Variants in PDCD4 observed in about 807,000 individuals in gnomAD.
PDCD4 encodes programmed cell death protein 4.
Under a neutral mutation model 54.0 loss-of-function variants are expected in PDCD4, and 56 were observed. The ratio of observed to expected loss-of-function variants is 1.04; its 90% CI spans 0.84 to 1.30. The LOEUF is 1.30. Ranked by LOEUF, PDCD4 falls within the 50% of genes most tolerant of loss-of-function variation. PDCD4 has a pLI of 0.00. For synonymous variants in PDCD4, 186 were observed against 194.8 expected (o/e 0.95, Z 0.37); for missense variants, 584 against 559.8 (o/e 1.04, Z -0.44).
At chr10:110,886,318 A>G (rs1455529455) in intron 5 of PDCD4, among the ~76,000 whole-genome samples, 1 of 152,204 alleles carries the variant, frequency 6.6e-6, no homozygotes, top group Non-Finnish European at 1.5e-5. Flanking sequence ...TTTGGAAAGC[A>G]TAAAATAGAG....
In PDCD4 at chr10:110,896,074, C is replaced by T. The variant is rs1465379744; in HGVS notation, c.1336C>T (p.Leu446Phe). Residue 446 changes from leucine (L) to phenylalanine (F), a missense_variant, in exon 11 of 12, where the codon CTT becomes TTT. Physicochemically the swap from Leu to Phe is conservative, Grantham distance 22. Coordinates refer to ENST00000280154, the MANE Select transcript of PDCD4 (RefSeq NM_014456.5). ...AATAATTTCCAAACAACTCAGAGAT[C>T]TTTGTCCTTCAAGGTACTTTATTTA... ...AGIISKQLRD[L>F]CPSRGRKRFV... is the part of the protein sequence containing the mutation. The T allele has an allele frequency of 1.9e-6, 3 of 1,606,716 alleles. No homozygotes were observed. In the Admixed American group the frequency reaches 5.1e-5, roughly 27 times the overall value.
chr10:110,876,148 G>C, intron 2 of PDCD4, 78 bp downstream of exon 2: 14 of 1,191,030 alleles, frequency 1.2e-5, no homozygotes, highest in Non-Finnish European at 1.6e-5. Context: ...CTGGAGTGCA[G>C]TGGTGTGATC....
intron 6 of PDCD4, among the ~76,000 whole-genome samples, chr10:110,888,405 A>C (rs1845703264): frequency 6.6e-6 from 1 of 152,186 alleles, no homozygotes; most frequent in Non-Finnish European, 1.5e-5. Flanking sequence ...GTTTCTGTTA[A>C]ACTTAATGAC....
At chr10:110,879,281 C>G (rs1333172054) in intron 2 of PDCD4, among the ~76,000 whole-genome samples, 1 of 151,762 alleles carries the variant, frequency 6.6e-6, no homozygotes, top group African/African-American at 2.4e-5. Context: ...CTAACTTAAG[C>G]TCTGACAATT....
chr10:110,896,103 A>T lies in PDCD4; in HGVS notation c.1349+16A>T. ...GTCCTTCAAGGTACTTTATTTAAATACTACTTTCTCAATGTAAAATAGTGG... is the reference window on the plus strand; with the variant it reads ...GTCCTTCAAGGTACTTTATTTAAATTCTACTTTCTCAATGTAAAATAGTGG... On this transcript the variant is annotated intron_variant, in intron 11 of 11. Transcript: ENST00000280154. The T allele has an allele frequency of 6.4e-7, 1 of 1,562,200 alleles. No homozygotes were observed. Among genetic ancestry groups the T allele is most frequent in the South Asian group, 1.2e-5 (1 of 85,488 alleles).
In PDCD4 at chr10:110,881,387, C is replaced by CT. The variant is rs1261684640; in HGVS notation, c.199dup (p.Ser67PhefsTer17). The CT allele has an allele frequency of 8.1e-6, 13 of 1,614,068 alleles. No individual in the cohort carries two copies. Among genetic ancestry groups the CT allele is most frequent in the Non-Finnish European group, 1.1e-5 (13 of 1,180,042 alleles). On this transcript the variant is annotated frameshift_variant, in exon 3 of 12. Coordinates refer to ENST00000280154, the MANE Select transcript of PDCD4 (RefSeq NM_014456.5). LOFTEE classifies it high-confidence loss of function. Reference sequence around the variant, plus strand: ...AGGCAAAAAGGCGACTAAGGAAAAACTCATCCCGGGACTCTGGCAGAGGCG... The same window carrying CT: ...AGGCAAAAAGGCGACTAAGGAAAAACTTCATCCCGGGACTCTGGCAGAGGCG...
rs1337022668 is a variant in PDCD4, at chr10:110,894,582, T to TA, written c.1209+61dup. The TA allele has an allele frequency of 6.6e-6, 5 of 756,354 alleles. No homozygotes were observed. The Admixed American group carries it at 1.1e-4, about 17-fold the overall frequency. 46.9% of individuals were successfully genotyped at this position (756,354 alleles called of 1,614,324 possible). A position where few individuals can be genotyped will look rare whatever the true frequency, so the allele number is the denominator to read the frequency against. On this transcript the variant is annotated intron_variant, in intron 10 of 11. Transcript: ENST00000280154. ...ATTATGTCTTAAATATATGATTGAA[T>TA]ACAGATTATGAATTGTCAGTGAAAT...
intron 8 of PDCD4, 187 bp downstream of exon 8, chr10:110,890,857 A>C (rs944878643): frequency 1.3e-5 from 5 of 386,800 alleles, no homozygotes; most frequent in African/African-American, 1.0e-4. Flanking sequence ...TGATTAAAAA[A>C]TGAGTCTGTT....
At chr10:110,875,487 G>A (rs1235279929) in intron 1 of PDCD4, among the ~76,000 whole-genome samples, 2 of 152,096 alleles carry the variant, frequency 1.3e-5, no homozygotes, top group Non-Finnish European at 2.9e-5. Context: ...GCCGTAATGT[G>A]AAAAATAACA....
Position 110,875,810 on chromosome 10 carries a change from G to A in PDCD4, c.-62-156G>A, listed in dbSNP as rs532810675. Among the ~76,000 whole-genome samples the A allele has an allele frequency of 2.6e-5, 4 of 152,150 alleles. No individual in the cohort carries two copies. In the East Asian group the frequency reaches 7.7e-4, roughly 29 times the overall value. ...AACCAAATGTTAATTAGGGTAAGTT[G>A]TCTTTGAAAGTAAAGTGAACTGTTT... is the stretch of plus-strand genomic sequence containing the variant. On this transcript the variant is annotated intron_variant, in intron 1 of 11. Transcript: ENST00000280154.
At chr10:110,880,225 G>C (rs1477015456) in intron 2 of PDCD4, 1 of 152,208 alleles carries the variant, frequency 6.6e-6, no homozygotes, top group Admixed American at 6.5e-5. Flanking sequence ...TGAAGCTTAT[G>C]ACTTAGTTGG....
Position 110,890,618 on chromosome 10 carries a change from G to A in PDCD4, c.938G>A (p.Ser313Asn), listed in dbSNP as rs1163715434. 6.2e-7 allele frequency: 1 copy of A among 1,613,572 alleles called. No homozygotes were observed. The highest frequency in any genetic ancestry group is 8.5e-7 in the Non-Finnish European group (1 of 1,179,646). Residue 313 changes from serine (S) to asparagine (N), a missense_variant, in exon 8 of 12, where the codon AGT (serine) becomes AAT (asparagine). By Grantham distance (46) the Ser-to-Asn change is conservative (BLOSUM62 1). Coordinates refer to ENST00000280154, the MANE Select transcript of PDCD4 (RefSeq NM_014456.5). ...TCTAAAGGTGGAAAGCGTAAAGATA[G>A]TGTGTGGGGCTCTGGAGGTGGGCAG... ...SMSKGGKRKD[S>N]VWGSGGGQQS...
At chr10:110,895,203 G>A (rs1290023748) in intron 10 of PDCD4, among the ~76,000 whole-genome samples, 1 of 151,924 alleles carries the variant, frequency 6.6e-6, no homozygotes, top group South Asian at 2.1e-4. Context: ...GTACCTGATA[G>A]GTAATTTTTC....
At chr10:110,895,865 A>G (rs2134007057) in intron 10 of PDCD4, 83 bp from the exon 11 acceptor site, 1 of 1,029,514 alleles carries the variant, frequency 9.7e-7, no homozygotes, top group East Asian at 2.8e-5. Context: ...TTAAATACAA[A>G]TTGATGACAT....
rs1845947440 is a variant in PDCD4, at chr10:110,899,976, A to T, written c.*1888A>T. On this transcript the variant is annotated 3_prime_UTR_variant, in exon 12 of 12. Coordinates refer to ENST00000280154, the MANE Select transcript of PDCD4 (RefSeq NM_014456.5). ...AAGATTGGAATGTATCTTCAAATTC[A>T]GATTTAATAAACATGTAAAGATCCT... The T allele has an allele frequency of 6.2e-6, 1 of 162,032 alleles. No individual in the cohort carries two copies. Among genetic ancestry groups the T allele is most frequent in the African/African-American group, 2.4e-5 (1 of 41,866 alleles). 10.0% of individuals were successfully genotyped at this position (162,032 alleles called of 1,614,324 possible). A position where few individuals can be genotyped will look rare whatever the true frequency, so the allele number is the denominator to read the frequency against.
chr10:110,894,334 A>G (rs1590737869), intron 9 of PDCD4, 78 bp from the exon 10 acceptor site: 1 of 890,366 alleles, frequency 1.1e-6, no homozygotes, highest in East Asian at 2.4e-5. Context: ...CTACGATTAC[A>G]GAAGGCATCT....
chr10:110,882,317 G>A (rs1233219796), intron 3 of PDCD4, among the ~76,000 whole-genome samples: 1 of 152,126 alleles, frequency 6.6e-6, no homozygotes, highest in African/African-American at 2.4e-5. Context: ...CATTGTAAAG[G>A]TTCTTTAAAA....
chr10:110,887,531 GGTCTTTTGA>G (rs1167045830), intron 5 of PDCD4, 125 bp from the exon 6 acceptor site: 6 of 606,098 alleles, frequency 9.9e-6, no homozygotes, highest in African/African-American at 1.9e-5. Flanking sequence ...AACATGACTG[GGTCTTTTGA>G]TTATTTCCAA....
intron 3 of PDCD4, 149 bp downstream of exon 3, chr10:110,881,684 GTAA>G (rs1845595455): frequency 1.7e-6 from 1 of 595,386 alleles, no homozygotes; most frequent in Non-Finnish European, 2.7e-6. Flanking sequence ...TTTTTACTTA[GTAA>G]TAATGTGAGA....
Sources: gnomAD v4.1 joint callset for allele counts (sites outside exome capture counted in the v4.1 genomes callset) on GRCh38, gnomAD v4.1.1 for gene constraint, MANE v1.5 for transcripts, NCBI Gene and HGNC (gene_info 2026-07-23, HGNC 2026-07-21) for gene names.